Variants in IGSF9B observed in about 807,000 individuals in gnomAD.
IGSF9B encodes immunoglobulin superfamily member 9B, also known as protein turtle homolog B.
A neutral mutation model predicts 143.7 loss-of-function variants in IGSF9B; 48 were observed. The ratio of observed to expected loss-of-function variants is 0.33; its 90% CI spans 0.26 to 0.42. The LOEUF (loss-of-function observed/expected upper bound fraction) is 0.42, where lower values mean the gene tolerates loss of function less well. Among genes scored for constraint, IGSF9B ranks in the 20% least tolerant of loss-of-function variants. The pLI, the probability that IGSF9B is intolerant of heterozygous loss-of-function variation, is 1.00. For synonymous variants in IGSF9B, 903 were observed against 833.1 expected, an observed-to-expected ratio of 1.08 and a Z score of -1.44; for missense variants, 1,706 against 1,980.0, an observed-to-expected ratio of 0.86 and a Z score of 2.63.
intron 17 of IGSF9B, among the ~76,000 whole-genome samples, chr11:133,921,968 G>T (rs1204929382): frequency 6.6e-6 from 1 of 152,164 alleles, no homozygotes; most frequent in African/African-American, 2.4e-5. Flanking sequence ...CCCTCTACCA[G>T]CGTGGACAAC....
chr11:133,915,634 CA>C (rs1235283167), intron 18 of IGSF9B, among the ~76,000 whole-genome samples: 1 of 152,168 alleles, frequency 6.6e-6, no homozygotes, highest in Non-Finnish European at 1.5e-5. Flanking sequence ...TCAGCTTACC[CA>C]GAAGAGCTGA....
Position 133,930,990 on chromosome 11 carries a change from C to G in IGSF9B, c.1513G>C (p.Val505Leu). The part of the protein sequence containing the change: ...TSITASTHLT[V>L]IGTSPHAPGS... ...AGCCTTGCCGGCCACGTACCGATGA[C>G]GGTGAGGTGGGTGCTGGCAGTGATG... The change falls in exon 11 of 20, where the codon GTC (valine) becomes CTC (leucine). Residue 505 changes from valine (V) to leucine (L), a missense_variant. By Grantham distance (32) the Val-to-Leu change is conservative. Around this residue, in one of 7 missense-constraint regions of IGSF9B, gnomAD observed 267 missense variants for 321.1 expected, o/e 0.83. Transcript: ENST00000533871. 6.2e-7 allele frequency: 1 copy of G among 1,610,572 alleles called. No individual in the cohort carries two copies. The highest frequency in any genetic ancestry group is 8.5e-7 in the Non-Finnish European group (1 of 1,178,190).
intron 11 of IGSF9B, among the ~76,000 whole-genome samples, 170 bp from the exon 12 acceptor site, chr11:133,929,952 G>A (rs1342241280): frequency 6.6e-6 from 1 of 152,166 alleles, no homozygotes; most frequent in Non-Finnish European, 1.5e-5. Flanking sequence ...CGACTCCCCT[G>A]ACCCTGCTTG....
chr11:133,935,581 G>T, intron 7 of IGSF9B, 36 bp downstream of exon 7: 1 of 1,587,148 alleles, frequency 6.3e-7, no homozygotes, highest in South Asian at 1.2e-5. Flanking sequence ...CCTTCTGGGA[G>T]CCCCACCACC....
Position 133,932,513 on chromosome 11 carries a change from G to A in IGSF9B, c.968-300C>T, listed in dbSNP as rs532777811. On this transcript the variant is annotated intron_variant, in intron 7 of 19. Coordinates refer to ENST00000533871, the MANE Select transcript of IGSF9B (RefSeq NM_001277285.4). Reference sequence around the variant, plus strand: ...GAGAGAGCAGACAGACAGACACAGGGAAGCCAGGTGGGAGAGCAGACAGAC... The same window carrying A: ...GAGAGAGCAGACAGACAGACACAGGAAAGCCAGGTGGGAGAGCAGACAGAC... Among the ~76,000 whole-genome samples, 289 of 140,924 alleles carry A rather than the reference G, an allele frequency of 2.1e-3. 4 individuals are homozygous for A. In the South Asian group the frequency reaches 0.024, roughly 12 times the overall value. 92.5% of individuals were successfully genotyped at this position (140,924 alleles called of 152,430 possible). A position where few individuals can be genotyped will look rare whatever the true frequency, so the allele number is the denominator to read the frequency against.
Position 133,931,583 on chromosome 11 carries a change from C to T in IGSF9B, c.1252-14G>A, listed in dbSNP as rs753774685. On this transcript the variant is annotated splice_polypyrimidine_tract_variant and intron_variant, in intron 9 of 19. Transcript: ENST00000533871. The surrounding 1 kb of genome is among the most constrained non-coding windows in gnomAD (Gnocchi z 7.7). ...ATAGGGGGGGTCCTGGGGAGGAAAG[C>T]ACAGGCACCCTCGTGAGGCCGGGGA... 1 of 1,612,556 alleles carries T rather than the reference C, an allele frequency of 6.2e-7. No individual in the cohort carries two copies. The highest frequency in any genetic ancestry group is 2.2e-5 in the East Asian group (1 of 44,844).
At position 133,948,056 on chromosome 11, in the gene IGSF9B, CGTGTGTGT is replaced by C. The variant is rs71038546; in HGVS notation, c.65-1806_65-1799del. On this transcript the variant is annotated intron_variant, in intron 1 of 19. Coordinates refer to ENST00000533871, the MANE Select transcript of IGSF9B (RefSeq NM_001277285.4). This position sits in a 1 kb window ranked among gnomAD's most constrained non-coding sequence, Gnocchi z 4.7. ...CTGTTTCTGTCTACCAGCATGTGTG[CGTGTGTGT>C]GTGTGTGTGTGTGTGTGTGTGTGTG... is the stretch of plus-strand genomic sequence containing the variant. 4.7e-3 allele frequency among the ~76,000 whole-genome samples: 691 copies of C among 147,282 alleles called. 5 individuals are homozygous for C. The highest frequency in any genetic ancestry group is 0.028 in the Middle Eastern group (8 of 290).
intron 6 of IGSF9B, 90 bp downstream of exon 6, chr11:133,935,963 G>A: frequency 1.3e-6 from 2 of 1,498,522 alleles, no homozygotes; most frequent in African/African-American, 2.8e-5. Flanking sequence ...AAGAGCCACG[G>A]GCAGCCTGCC....
At chr11:133,936,002 C>T (rs1031034513) in intron 6 of IGSF9B, 51 bp downstream of exon 6, 20 of 1,596,820 alleles carry the variant, frequency 1.3e-5, no homozygotes, top group East Asian at 9.0e-5. Context: ...GGGCCCTGCC[C>T]GTGGGGGCTG....
rs778862054 is a variant in IGSF9B, at chr11:133,945,202, C to T, written c.263-836G>A. On this transcript the variant is annotated intron_variant, in intron 2 of 19. Transcript: ENST00000533871. This position sits in a 1 kb window ranked among gnomAD's most constrained non-coding sequence, Gnocchi z 4.6. ...CACCCGCTCTTAGCTCACCCCTCACCGCAGCCAATATCACCACACCTCTGC... is the reference window on the plus strand; with the variant it reads ...CACCCGCTCTTAGCTCACCCCTCACTGCAGCCAATATCACCACACCTCTGC... Among the ~76,000 whole-genome samples, 6 of 152,172 alleles carry T rather than the reference C, an allele frequency of 3.9e-5. No homozygotes were observed. Among genetic ancestry groups the T allele is most frequent in the South Asian group, 4.2e-4 (2 of 4,816 alleles).
At chr11:133,935,158 A>G (rs1057302329) in intron 7 of IGSF9B, among the ~76,000 whole-genome samples, 1 of 152,224 alleles carries the variant, frequency 6.6e-6, no homozygotes, top group Non-Finnish European at 1.5e-5. Context: ...GAGCTGGAGC[A>G]CATCGCCCCC....
rs1940048569 is a variant in IGSF9B at position 133,946,205 on chromosome 11, T to C, written c.118A>G (p.Ser40Gly). The C allele has an allele frequency of 1.9e-6, 3 of 1,613,338 alleles. No individual in the cohort carries two copies. In the African/African-American group the frequency reaches 4.0e-5, roughly 22 times the overall value. The change falls in exon 2 of 20, where the codon AGC (serine) becomes GGC (glycine). Residue 40 changes from serine to glycine, a missense_variant. Coordinates refer to ENST00000533871, the MANE Select transcript of IGSF9B (RefSeq NM_001277285.4). ...ATCACGTCGCATCGCAGGACCACGC[T>C]CTCCCCAGCTCTTGCCGTCACAAAC... ...PEFVTARAGE[S>G]VVLRCDVIHP...
intron 4 of IGSF9B, 35 bp from the exon 5 acceptor site, chr11:133,937,528 C>T (rs753933519): frequency 7.3e-6 from 11 of 1,514,914 alleles, no homozygotes; most frequent in Admixed American, 5.1e-5. Flanking sequence ...TCAGCACCCA[C>T]GCTCACACCC....
chr11:133,935,123 C>T (rs538416842), intron 7 of IGSF9B, among the ~76,000 whole-genome samples: 6 of 152,254 alleles, frequency 3.9e-5, no homozygotes, highest in Admixed American at 3.3e-4. Context: ...GGAGAGGCCG[C>T]GGACGCCAGA....
chr11:133,956,454 G>A (rs532108409), intron 1 of IGSF9B, among the ~76,000 whole-genome samples: 1 of 152,014 alleles, frequency 6.6e-6, no homozygotes, highest in African/African-American at 2.4e-5. Context: ...CCGAGTGCCC[G>A]GCAGCCCGTG....
At position 133,937,849 on chromosome 11, in the gene IGSF9B, G is replaced by C. The variant is rs372566470; in HGVS notation, c.522C>G (p.Leu174=). The change falls in exon 4 of 20, where the codon CTC becomes CTG. Residue 174 remains leucine (L), a synonymous_variant. Transcript: ENST00000533871. ...TAGCACCGAGGAGCGTCCCCTCCTT[G>C]AGCCAGGTGACAATGGGCTTGGGGT... The part of the protein sequence containing the change: ...FGNPKPIVTW[L]KEGTLLGASG... 45 of 1,610,882 alleles carry C rather than the reference G, an allele frequency of 2.8e-5. No homozygotes were observed. The highest frequency in any genetic ancestry group is 3.2e-5 in the Non-Finnish European group (38 of 1,178,528).
chr11:133,935,928 C>G, intron 6 of IGSF9B, 125 bp downstream of exon 6: 1 of 1,396,430 alleles, frequency 7.2e-7, no homozygotes, highest in Non-Finnish European at 9.7e-7. Flanking sequence ...ACACACGGAC[C>G]AGACTGCCCA....
chr11:133,944,156 C>T (rs1940000737), intron 3 of IGSF9B, 64 bp downstream of exon 3: 22 of 1,519,300 alleles, frequency 1.4e-5, no homozygotes, highest in Non-Finnish European at 1.9e-5. Flanking sequence ...GCAGGCCCAC[C>T]CCGGAAACAG....
intron 3 of IGSF9B, among the ~76,000 whole-genome samples, chr11:133,941,026 G>A (rs1939947475): frequency 6.6e-6 from 1 of 152,096 alleles, no homozygotes; most frequent in African/African-American, 2.4e-5. Context: ...TAAAAGAAAA[G>A]ATAATAAATT....
Sources: allele counts gnomAD v4.1 joint callset (sites outside exome capture counted in the v4.1 genomes callset), GRCh38; gene constraint gnomAD v4.1.1; regional missense constraint gnomAD v4.1.1; non-coding constraint Gnocchi (gnomAD v3.1); transcripts MANE v1.5; gene names NCBI Gene and HGNC (gene_info 2026-07-23, HGNC 2026-07-21).